The following TP63 variants were observed in gnomAD, a reference collection of about 807,000 sequenced individuals.
The protein encoded by TP63 is tumor protein p63, also known as tumor protein 63.
TP63 carries 17 observed loss-of-function variants against 82.8 expected under a neutral mutation model. The ratio of observed to expected loss-of-function variants is 0.21; its 90% CI spans 0.14 to 0.31. The LOEUF (loss-of-function observed/expected upper bound fraction) is 0.31, where lower values mean the gene tolerates loss of function less well. Ranked by LOEUF, TP63 falls within the 10% of genes least tolerant of loss-of-function variation. The pLI is 1.00. For synonymous variants in TP63, 330 were observed against 321.7 expected (o/e 1.03, Z -0.28); for missense variants, 648 against 895.3 (o/e 0.72, Z 3.52).
the TP63 span, among the ~76,000 whole-genome samples, chr3:189,604,344 C>T: frequency 6.6e-6 from 1 of 152,146 alleles, no homozygotes; most frequent in Admixed American, 6.5e-5. Context: ...TACTATTTAG[C>T]TCTCATTCAT....
At chr3:189,734,148 G>GTCCC (rs1212938307) in intron 1 of TP63, among the ~76,000 whole-genome samples, 2 of 62,102 alleles carry the variant, frequency 3.2e-5, no homozygotes, top group South Asian at 7.4e-4. Context: ...CCCTCCCTCC[G>GTCCC]TCCCTCCCTC....
At chr3:189,658,289 T>C (rs1713567651) in intron 1 of TP63, among the ~76,000 whole-genome samples, 1 of 152,030 alleles carries the variant, frequency 6.6e-6, no homozygotes, top group African/African-American at 2.4e-5. Flanking sequence ...ATAAGCAAAT[T>C]AATATAGGAG....
Position 189,865,728 on chromosome 3 carries a change from A to G in TP63, c.767-954A>G, listed in dbSNP as rs3773927. On this transcript the variant is annotated intron_variant, in intron 5 of 13. Transcript: ENST00000264731. ...ACATTAATTTCAAGTCCTTGCCCAC[A>G]TGGCCACATTATCCGTACATTTATC... Among the ~76,000 whole-genome samples the G allele has an allele frequency of 1.8e-3, 279 of 152,356 alleles. 4 individuals are homozygous for G. In the East Asian group the frequency reaches 0.038, roughly 21 times the overall value.
chr3:189,861,221 A>G (rs568856667), intron 4 of TP63, among the ~76,000 whole-genome samples: 1 of 152,204 alleles, frequency 6.6e-6, no homozygotes, highest in African/African-American at 2.4e-5. Context: ...TTCACTACTT[A>G]TCTCCCACAT....
At chr3:189,832,425 T>C (rs1035741952) in intron 4 of TP63, among the ~76,000 whole-genome samples, 2 of 152,162 alleles carry the variant, frequency 1.3e-5, no homozygotes, top group African/African-American at 2.4e-5. Context: ...GTAGTACAAC[T>C]CAAGTACAAT....
At chr3:189,651,344 A>C in intron 1 of TP63, among the ~76,000 whole-genome samples, 1 of 146,366 alleles carries the variant, frequency 6.8e-6, no homozygotes, top group South Asian at 2.2e-4. Context: ...TCAGGAGTTC[A>C]AGACCAGCCT....
chr3:189,629,311 G>C (rs946385857), upstream of TP63, among the ~76,000 whole-genome samples: 1 of 152,136 alleles, frequency 6.6e-6, no homozygotes, highest in South Asian at 2.1e-4. Context: ...TTGAGCCCAG[G>C]AGGTTGAGGC....
chr3:189,840,359 CTTTTTTTTT>C, intron 4 of TP63, among the ~76,000 whole-genome samples: 21 of 44,448 alleles, frequency 4.7e-4, no homozygotes, highest in African/African-American at 1.8e-3. Context: ...TGCTTTTCGT[CTTTTTTTTT>C]TTTTTTTTTT....
intron 4 of TP63, among the ~76,000 whole-genome samples, chr3:189,825,703 C>G (rs915744635): frequency 6.6e-6 from 1 of 152,184 alleles, no homozygotes; most frequent in African/African-American, 2.4e-5. Context: ...TAGGAAATGC[C>G]TTTTAGGAAA....
At chr3:189,609,894 C>T in the TP63 span, among the ~76,000 whole-genome samples, 1 of 152,128 alleles carries the variant, frequency 6.6e-6, no homozygotes, top group South Asian at 2.1e-4. Flanking sequence ...TTTGTATATA[C>T]CCAGTAATGG....
intron 1 of TP63, among the ~76,000 whole-genome samples, chr3:189,682,021 A>G (rs1181444482): frequency 6.6e-6 from 1 of 152,096 alleles, no homozygotes; most frequent in Non-Finnish European, 1.5e-5. Context: ...TCACCTGAGA[A>G]CAGGAGTCCG....
rs561560919 is a variant in TP63, at chr3:189,730,185, T to C, written c.63-7555T>C. ...ACTTTTATCTAAGGGTTGAGGATAC[T>C]TCCAGAGTCTTTGAGGGCTCAAGTT... On this transcript the variant is annotated intron_variant, in intron 1 of 13. Coordinates refer to ENST00000264731, the MANE Select transcript of TP63 (RefSeq NM_003722.5). 1.2e-4 allele frequency among the ~76,000 whole-genome samples: 19 copies of C among 152,306 alleles called. No homozygotes were observed. In the Middle Eastern group the frequency reaches 0.01, roughly 82 times the overall value.
intron 1 of TP63, among the ~76,000 whole-genome samples, chr3:189,728,386 G>A (rs1005313340): frequency 6.6e-5 from 10 of 152,130 alleles, no homozygotes; most frequent in South Asian, 2.1e-4. Context: ...ATGAACTAAG[G>A]ACAAGAATAC....
chr3:189,884,891 T>C lies in TP63; in HGVS notation c.1350-1503T>C, dbSNP rs577475328. On this transcript the variant is annotated intron_variant, in intron 10 of 13. Coordinates refer to ENST00000264731, the MANE Select transcript of TP63 (RefSeq NM_003722.5). ...AGCCTTCCTTATTTTCATGTAATTA[T>C]GGAGAGAATGCAGAGTGGCAGCTTC... Among the ~76,000 whole-genome samples, 27 of 152,316 alleles carry C rather than the reference T, an allele frequency of 1.8e-4. No homozygotes were observed. In the East Asian group the frequency reaches 4.2e-3, roughly 24 times the overall value.
At chr3:189,721,041 T>A (rs915242762) in intron 1 of TP63, among the ~76,000 whole-genome samples, 23 of 152,216 alleles carry the variant, frequency 1.5e-4, no homozygotes, top group African/African-American at 5.5e-4. Context: ...TCCGATGAAG[T>A]TGCTATAAGA....
intron 4 of TP63, among the ~76,000 whole-genome samples, chr3:189,862,082 G>A (rs556693009): frequency 7.0e-4 from 106 of 152,278 alleles, no homozygotes; most frequent in Non-Finnish European, 1.3e-3. Context: ...GAATATTTAT[G>A]AATTCTGCAG....
chr3:189,741,177 G>A (rs181269120), intron 3 of TP63, among the ~76,000 whole-genome samples: 2 of 150,446 alleles, frequency 1.3e-5, no homozygotes, highest in East Asian at 2.0e-4. Context: ...GAATAAACTT[G>A]CCTATCTGTG....
chr3:189,802,922 T>C (rs1726471320), intron 3 of TP63, among the ~76,000 whole-genome samples: 1 of 152,226 alleles, frequency 6.6e-6, no homozygotes, highest in African/African-American at 2.4e-5. Flanking sequence ...AATAACCTCT[T>C]ACTATATATT....
chr3:189,838,635 C>G (rs113884890), intron 4 of TP63, among the ~76,000 whole-genome samples: 3 of 152,050 alleles, frequency 2.0e-5, no homozygotes, highest in Non-Finnish European at 1.5e-5. Flanking sequence ...GTGGCCCACA[C>G]GGTACCTAAT....
Sources: gnomAD v4.1 joint callset for allele counts (sites outside exome capture counted in the v4.1 genomes callset) on GRCh38, gnomAD v4.1.1 for gene constraint, MANE v1.5 for transcripts, NCBI Gene and HGNC (gene_info 2026-07-23, HGNC 2026-07-21) for gene names.